The following PLCH1 variants were observed in gnomAD, a reference collection of about 807,000 sequenced individuals.
PLCH1 encodes phospholipase C eta 1.
Under a neutral mutation model 126.7 loss-of-function variants are expected in PLCH1, and 60 were observed. The ratio of observed to expected loss-of-function variants is 0.47; its 90% CI spans 0.38 to 0.59. The LOEUF is 0.59. Ranked by LOEUF, PLCH1 falls within the 20% of genes least tolerant of loss-of-function variation. The probability of loss-of-function intolerance (pLI) is 0.00; values close to 1 mark genes in which losing one functional copy is unlikely to be tolerated. For missense variants in PLCH1, 1,723 were observed against 2,040.0 expected, an observed-to-expected ratio of 0.84 and a Z score of 2.99; for synonymous variants, 719 against 734.9, an observed-to-expected ratio of 0.98 and a Z score of 0.35.
rs544834596 is a variant in PLCH1 at position 155,597,814 on chromosome 3, A to C, written c.80-1436T>G. ...AAAATTAAGTATAGTTTCAGGATTC[A>C]ATACTACAAAGAAGATGAAGTATAG... is the stretch of plus-strand genomic sequence containing the variant. On this transcript the variant is annotated intron_variant, in intron 2 of 22. Coordinates refer to ENST00000460012, the MANE Select transcript of PLCH1 (RefSeq NM_014996.4). Among the ~76,000 whole-genome samples the C allele has an allele frequency of 1.2e-3, 181 of 152,340 alleles. 2 individuals carry two copies. The highest frequency in any genetic ancestry group is 3.5e-3 in the African/African-American group (147 of 41,580).
chr3:155,734,125 G>A (rs953329683), intron 1 of PLCH1, among the ~76,000 whole-genome samples: 16 of 151,810 alleles, frequency 1.1e-4, no homozygotes, highest in Non-Finnish European at 1.6e-4. Context: ...GTGCACTGCT[G>A]GTGAGAATGT....
chr3:155,488,881 A>C, intron 19 of PLCH1, 75 bp from the exon 20 acceptor site: 2 of 1,311,168 alleles, frequency 1.5e-6, no homozygotes, highest in African/African-American at 1.5e-5. Flanking sequence ...AACATCTGCA[A>C]AGCAGACGGT....
intron 8 of PLCH1, 117 bp downstream of exon 8, chr3:155,564,798 T>G (rs1728104790): frequency 1.6e-6 from 1 of 635,456 alleles, no homozygotes; most frequent in Non-Finnish European, 2.8e-6. Context: ...AGCAGAAAAG[T>G]AGTACTAATT....
intron 14 of PLCH1, among the ~76,000 whole-genome samples, chr3:155,499,992 T>C (rs189652892): frequency 1.6e-4 from 24 of 152,254 alleles, no homozygotes; most frequent in Non-Finnish European, 2.8e-4. Context: ...ATAATTTCAT[T>C]TTTCAATAAA....
Position 155,481,824 on chromosome 3 carries a change from C to G in PLCH1, c.4202G>C (p.Cys1401Ser), listed in dbSNP as rs1392089512. ...HFQRGLRNGY[C>S]KETLRPSVPE... ...GACAGAAGGGCGGAGGGTCTCTTTA[C>G]AGTAGCCGTTTCTCAAACCTCTTTG... The change falls in exon 23 of 23, where the codon TGT becomes TCT. Residue 1401 changes from cysteine (C) to serine (S), a missense_variant. By Grantham distance (112) the Cys-to-Ser change is moderately radical. Around this residue, in one of 2 missense-constraint regions of PLCH1, gnomAD observed 947 missense variants for 977.1 expected, o/e 0.97. Transcript: ENST00000460012. The surrounding 1 kb of genome is among the most constrained non-coding windows in gnomAD (Gnocchi z 4.2). 1 of 1,614,186 alleles carries G rather than the reference C, an allele frequency of 6.2e-7. No homozygotes were observed. Among genetic ancestry groups the G allele is most frequent in the Non-Finnish European group, 8.5e-7 (1 of 1,180,030 alleles).
chr3:155,471,314 T>A (rs1713217739), intron 21 of PLCH1, among the ~76,000 whole-genome samples: 1 of 151,766 alleles, frequency 6.6e-6, no homozygotes, highest in Non-Finnish European at 1.5e-5. Flanking sequence ...CCAACAAACA[T>A]CAAAAGAGAC....
intron 2 of PLCH1, among the ~76,000 whole-genome samples, chr3:155,624,199 AGC>A (rs1186424716): frequency 6.6e-6 from 1 of 152,254 alleles, no homozygotes; most frequent in African/African-American, 2.4e-5. Context: ...AAAATTCAAC[AGC>A]ACTTCATGCT....
At chr3:155,557,770 C>A (rs1727024462) in intron 8 of PLCH1, among the ~76,000 whole-genome samples, 1 of 152,126 alleles carries the variant, frequency 6.6e-6, no homozygotes, top group Non-Finnish European at 1.5e-5. Context: ...AAAGCAACTC[C>A]AACAAAGATT....
At chr3:155,631,581 T>C (rs1288568292) in intron 2 of PLCH1, among the ~76,000 whole-genome samples, 3 of 152,226 alleles carry the variant, frequency 2.0e-5, no homozygotes, top group Non-Finnish European at 2.9e-5. Context: ...GCAATCTGCA[T>C]GCTATTTTGA....
chr3:155,454,210 C>A (rs546766867), intron 21 of PLCH1, among the ~76,000 whole-genome samples: 73 of 152,130 alleles, frequency 4.8e-4, no homozygotes, highest in Non-Finnish European at 8.5e-4. Context: ...ATGGCACCAG[C>A]TTTTGAGAAA....
At chr3:155,555,452 A>G (rs1227936577) in intron 8 of PLCH1, among the ~76,000 whole-genome samples, 1 of 152,240 alleles carries the variant, frequency 6.6e-6, no homozygotes, top group Non-Finnish European at 1.5e-5. Context: ...CAGCCACAAG[A>G]TGGAAAAAGA....
intron 10 of PLCH1, among the ~76,000 whole-genome samples, chr3:155,533,958 A>T (rs2108347805): frequency 6.6e-6 from 1 of 152,244 alleles, no homozygotes; most frequent in South Asian, 2.1e-4. Flanking sequence ...ATTTCAAAGG[A>T]TGTATGGAAA....
chr3:155,564,073 A>G (rs1022496090), intron 8 of PLCH1, among the ~76,000 whole-genome samples: 1 of 152,100 alleles, frequency 6.6e-6, no homozygotes, highest in African/African-American at 2.4e-5. Flanking sequence ...TCAGCCTCCC[A>G]GGTAGCTAAA....
At chr3:155,451,132 T>C (rs1445011973) in intron 21 of PLCH1, among the ~76,000 whole-genome samples, 2 of 152,022 alleles carry the variant, frequency 1.3e-5, no homozygotes, top group Non-Finnish European at 2.9e-5. Context: ...TCCATACTGA[T>C]ACCAATCATT....
At chr3:155,493,889 C>A (rs1449129550) in intron 17 of PLCH1, among the ~76,000 whole-genome samples, 2 of 152,174 alleles carry the variant, frequency 1.3e-5, no homozygotes, top group Non-Finnish European at 2.9e-5. Context: ...TAACCCAATG[C>A]TATCCATGTC....
intron 1 of PLCH1, among the ~76,000 whole-genome samples, chr3:155,707,744 A>G (rs1332774331): frequency 6.6e-6 from 1 of 152,190 alleles, no homozygotes; most frequent in Non-Finnish European, 1.5e-5. Flanking sequence ...ATAGCAATAG[A>G]TAATGTAACA....
intron 2 of PLCH1, among the ~76,000 whole-genome samples, chr3:155,625,243 C>T (rs1737087531): frequency 6.6e-6 from 1 of 152,092 alleles, no homozygotes; most frequent in African/African-American, 2.4e-5. Context: ...AAAATTAACT[C>T]AAGATGGATT....
chr3:155,691,647 A>G (rs1745393436), intron 2 of PLCH1, among the ~76,000 whole-genome samples: 1 of 152,198 alleles, frequency 6.6e-6, no homozygotes, highest in Non-Finnish European at 1.5e-5. Context: ...GTCTCTGGAT[A>G]CCACTTAGTT....
intron 21 of PLCH1, among the ~76,000 whole-genome samples, chr3:155,469,780 G>A (rs1387443407): frequency 1.3e-5 from 2 of 151,968 alleles, no homozygotes; most frequent in Non-Finnish European, 2.9e-5. Context: ...TGACCCCTGA[G>A]CAGCCTAACT....
Sources: gnomAD v4.1 joint callset for allele counts (sites outside exome capture counted in the v4.1 genomes callset) on GRCh38, gnomAD v4.1.1 for gene constraint, gnomAD v4.1.1 regional missense constraint, Gnocchi (gnomAD v3.1) non-coding constraint, MANE v1.5 for transcripts, NCBI Gene and HGNC (gene_info 2026-07-23, HGNC 2026-07-21) for gene names.